Variants in NLRC5 observed in about 807,000 individuals in gnomAD.
The protein encoded by NLRC5 is NLR family CARD domain containing 5, also known as protein NLRC5.
Under a neutral mutation model 206.9 loss-of-function variants are expected in NLRC5, and 114 were observed. The ratio of observed to expected loss-of-function variants is 0.55; its 90% confidence interval spans 0.47 to 0.64. The LOEUF (loss-of-function observed/expected upper bound fraction) is 0.64. Among genes scored for constraint, NLRC5 ranks in the 30% least tolerant of loss-of-function variants. The pLI is 0.00. For missense variants in NLRC5, 2,008 were observed against 2,305.5 expected, an observed-to-expected ratio of 0.87 and a Z score of 2.64; for synonymous variants, 952 against 962.8, an observed-to-expected ratio of 0.99 and a Z score of 0.21.
chr16:57,036,051 A>G, intron 13 of NLRC5, 49 bp from the exon 14 acceptor site: 1 of 1,543,996 alleles, frequency 6.5e-7, no homozygotes, highest in Non-Finnish European at 8.9e-7. Flanking sequence ...ATGGGGATTG[A>G]GGGAGGACTC....
At chr16:57,049,395 G>A (rs1452445716) in intron 23 of NLRC5, among the ~76,000 whole-genome samples, 2 of 152,128 alleles carry the variant, frequency 1.3e-5, no homozygotes, top group Admixed American at 6.5e-5. Flanking sequence ...ACTGGGATGC[G>A]GGCTCTGCTG....
chr16:57,066,242 A>G (rs1407747157), intron 33 of NLRC5, among the ~76,000 whole-genome samples: 1 of 152,086 alleles, frequency 6.6e-6, no homozygotes, highest in Admixed American at 6.5e-5. Flanking sequence ...TCAAGGCTGC[A>G]GTGAGCTATG....
At chr16:57,000,775 T>G (rs1324247979) in intron 1 of NLRC5, among the ~76,000 whole-genome samples, 1 of 152,190 alleles carries the variant, frequency 6.6e-6, no homozygotes, top group Non-Finnish European at 1.5e-5. Flanking sequence ...GGACATCTCT[T>G]GCTTGCCCTG....
At chr16:57,044,025 G>A (rs1052803928) in intron 20 of NLRC5, among the ~76,000 whole-genome samples, 1 of 151,950 alleles carries the variant, frequency 6.6e-6, no homozygotes, top group Non-Finnish European at 1.5e-5. Flanking sequence ...GGGGCCAGGC[G>A]CGGTGGCTCA....
At chr16:57,015,012 T>G (rs2059900401) in intron 1 of NLRC5, among the ~76,000 whole-genome samples, 1 of 151,880 alleles carries the variant, frequency 6.6e-6, no homozygotes, top group Non-Finnish European at 1.5e-5. Context: ...CAATGCAACC[T>G]CTGCCTCCTG....
At position 57,036,145 on chromosome 16, in the gene NLRC5, A is replaced by G. The variant is rs117071986; in HGVS notation, c.2673A>G (p.Ala891=). The G allele has an allele frequency of 8.6e-5, 139 of 1,613,638 alleles. No individual in the cohort carries two copies. In the East Asian group the frequency reaches 1.7e-3, roughly 19 times the overall value. Reference sequence around the variant, plus strand: ...AAGATGAAGGCTGTCGGCTGATGGCAGAGGCTGCATCCCAGCTGCACATCG... The same window carrying G: ...AAGATGAAGGCTGTCGGCTGATGGCGGAGGCTGCATCCCAGCTGCACATCG... ...QLEDEGCRLM[A]EAASQLHIAR... The change falls in exon 14 of 49, where the codon GCA becomes GCG. Residue 891 remains alanine (A), a synonymous_variant. Transcript: ENST00000688547.
chr16:57,061,505 C>T lies in NLRC5; in HGVS notation c.4044C>T (p.Ser1348=). 6.2e-7 allele frequency: 1 copy of T among 1,610,624 alleles called. No individual in the cohort carries two copies. The highest frequency in any genetic ancestry group is 8.5e-7 in the Non-Finnish European group (1 of 1,180,022). ...EHVSRLATGL[S]KSLQLTELTL... ...TGTCCAGGCTGGCCACCGGCTTGAG[C>T]AAGTCCCTGCAGCTGACGGAGCTCA... Residue 1348 remains serine, a synonymous_variant, in exon 31 of 49, where the codon AGC becomes AGT. Coordinates refer to ENST00000688547, the MANE Select transcript of NLRC5 (RefSeq NM_001384950.1).
chr16:57,008,695 T>C (rs2059174864), intron 1 of NLRC5, among the ~76,000 whole-genome samples: 1 of 151,916 alleles, frequency 6.6e-6, no homozygotes, highest in African/African-American at 2.4e-5. Context: ...AGTATTGATA[T>C]ACATTTATCG....
At chr16:57,014,450 G>T (rs1341924401) in intron 1 of NLRC5, among the ~76,000 whole-genome samples, 1 of 152,156 alleles carries the variant, frequency 6.6e-6, no homozygotes, top group Non-Finnish European at 1.5e-5. Flanking sequence ...TGATAGAATT[G>T]CCTTTATTCG....
chr16:57,028,031 C>G (rs2061428174), intron 6 of NLRC5, 41 bp from the exon 7 acceptor site: 4 of 1,474,308 alleles, frequency 2.7e-6, no homozygotes, highest in Middle Eastern at 1.7e-4. Flanking sequence ...TCAGCTCTGC[C>G]CAGCACTGAT....
intron 1 of NLRC5, among the ~76,000 whole-genome samples, chr16:57,015,925 CAAAAAAAA>C (rs35216159): frequency 1.3e-4 from 5 of 39,664 alleles, no homozygotes; most frequent in Non-Finnish European, 1.9e-4. Context: ...AACTCCATCT[CAAAAAAAA>C]AAAAAAAAAA....
intron 1 of NLRC5, among the ~76,000 whole-genome samples, 181 bp from the exon 2 acceptor site, chr16:57,016,893 C>T (rs1450768381): frequency 1.3e-5 from 2 of 152,136 alleles, no homozygotes; most frequent in African/African-American, 4.8e-5. Flanking sequence ...AACCCAGGGA[C>T]ACAAGGAGCT....
chr16:57,069,839 G>A lies in NLRC5; in HGVS notation c.4503G>A (p.Leu1501=). ...GTTGCCCTTTGACCCCCACCAGGCT[G>A]ACCTCCAGCTGTGTGAGCACCGAGG... ...LSLSELKTFR[L]TSSCVSTEGL... The change falls in exon 37 of 49, where the codon CTG becomes CTA. Residue 1501 remains leucine (L), a synonymous_variant. Coordinates refer to ENST00000688547, the MANE Select transcript of NLRC5 (RefSeq NM_001384950.1). The A allele has an allele frequency of 6.2e-7, 1 of 1,603,234 alleles. No homozygotes were observed. Among genetic ancestry groups the A allele is most frequent in the Non-Finnish European group, 8.5e-7 (1 of 1,175,718 alleles).
intron 12 of NLRC5, 92 bp downstream of exon 12, chr16:57,033,761 A>G: frequency 1.6e-6 from 2 of 1,221,502 alleles, no homozygotes; most frequent in Non-Finnish European, 2.4e-6. Context: ...GGATAAAGGG[A>G]AAAGCAGATG....
chr16:57,032,340 T>C (rs938860658), intron 11 of NLRC5, among the ~76,000 whole-genome samples: 8 of 151,790 alleles, frequency 5.3e-5, no homozygotes, highest in Non-Finnish European at 1.2e-4. Flanking sequence ...GCTTGAGCCA[T>C]GATCACACCA....
intron 36 of NLRC5, 142 bp from the exon 37 acceptor site, chr16:57,069,694 A>C: frequency 2.2e-4 from 148 of 680,218 alleles, no homozygotes; most frequent in East Asian, 5.2e-4. Context: ...TCATGGTGGA[A>C]GAGATTTACG....
chr16:57,049,670 A>G (rs1476198944), intron 23 of NLRC5, among the ~76,000 whole-genome samples: 2 of 151,684 alleles, frequency 1.3e-5, no homozygotes, highest in Non-Finnish European at 2.9e-5. Flanking sequence ...GGAGGCAGAG[A>G]TTGTGGTGAG....
At chr16:56,998,043 G>T (rs2057827241) in intron 1 of NLRC5, among the ~76,000 whole-genome samples, 1 of 152,058 alleles carries the variant, frequency 6.6e-6, no homozygotes, top group African/African-American at 2.4e-5. Context: ...CAAAACCAAG[G>T]CTCTAGCCGT....
rs34531240 is a variant in NLRC5 at position 57,026,428 on chromosome 16, T to G, written c.1485T>G (p.Thr495=). Residue 495 remains threonine, a synonymous_variant, in exon 6 of 49, where the codon ACT becomes ACG. Transcript: ENST00000688547. ...IAFGATHSLL[T]SFCVCTGPGH... ...TTGGGGCCACTCACAGCCTGCTGAC[T>G]TCCTTCTGCGTCTGCACAGGCCCTG... The G allele has an allele frequency of 6.8e-6, 11 of 1,614,066 alleles. No individual in the cohort carries two copies. In the South Asian group the frequency reaches 1.2e-4, roughly 18 times the overall value.
Sources: allele counts gnomAD v4.1 joint callset (sites outside exome capture counted in the v4.1 genomes callset), GRCh38; gene constraint gnomAD v4.1.1; transcripts MANE v1.5; gene names NCBI Gene and HGNC (gene_info 2026-07-23, HGNC 2026-07-21).